DACH2: variants seen among roughly 807,000 people sequenced by gnomAD.
DACH2 encodes the protein dachshund homolog 2.
DACH2 carries 17 observed loss-of-function variants against 35.8 expected under a neutral mutation model. The ratio of observed to expected loss-of-function variants is 0.48; its 90% CI spans 0.33 to 0.71. The LOEUF (loss-of-function observed/expected upper bound fraction) is 0.71, where lower values mean the gene tolerates loss of function less well. DACH2 is among the 30% of genes least tolerant of loss of function. The pLI, the probability that DACH2 is intolerant of heterozygous loss-of-function variation, is 0.02. For synonymous variants in DACH2, 195 were observed against 177.3 expected, an observed-to-expected ratio of 1.10 and a Z score of -0.79; for missense variants, 469 against 472.7, an observed-to-expected ratio of 0.99 and a Z score of 0.07.
At chrX:86,298,291 T>A (rs2034508429) in intron 1 of DACH2, among the ~76,000 whole-genome samples, 1 of 111,917 alleles carries the variant, frequency 8.9e-6, no homozygotes, top group South Asian at 3.7e-4. Context: ...TGTTTCCTTC[T>A]TATGATTTTT....
intron 1 of DACH2, among the ~76,000 whole-genome samples, chrX:86,306,352 ACAAATAT>A (rs1272971617): frequency 8.9e-6 from 1 of 112,267 alleles, no homozygotes; most frequent in African/African-American, 3.2e-5. Context: ...GCACCAAAGG[ACAAATAT>A]CACATCATCT....
At chrX:86,397,293 G>T (rs1249140479) in intron 2 of DACH2, among the ~76,000 whole-genome samples, 1 of 111,587 alleles carries the variant, frequency 9.0e-6, no homozygotes, top group Non-Finnish European at 1.9e-5. Flanking sequence ...ATTTTGGGCT[G>T]AGACGATGGG....
intron 4 of DACH2, among the ~76,000 whole-genome samples, chrX:86,666,312 T>TGTGAGAGA (rs112267843): frequency 4.2e-4 from 42 of 99,952 alleles, no homozygotes; most frequent in East Asian, 2.3e-3. Context: ...TGTGTGTGTG[T>TGTGAGAGA]GAGAGAGAGA....
intron 1 of DACH2, among the ~76,000 whole-genome samples, chrX:86,301,782 G>C (rs1347168862): frequency 2.7e-5 from 3 of 111,953 alleles, no homozygotes; most frequent in Non-Finnish European, 5.6e-5. Context: ...TATCTTATCA[G>C]TATATTTGCA....
At chrX:86,748,687 T>G (rs767827906) in intron 7 of DACH2, among the ~76,000 whole-genome samples, 2 of 111,705 alleles carry the variant, frequency 1.8e-5, no homozygotes, top group South Asian at 7.5e-4. Flanking sequence ...TTTTTATTTT[T>G]GTAATGGAAA....
chrX:86,483,234 C>A (rs2037970135), intron 2 of DACH2, among the ~76,000 whole-genome samples: 2 of 109,912 alleles, frequency 1.8e-5, no homozygotes, highest in African/African-American at 6.6e-5. Context: ...AGCATCTTTA[C>A]CAGCCAATGG....
rs919106231 is a variant in DACH2 at position 86,719,479 on chromosome X, G to A, written c.1104+4759G>A. ...TCTTTTGCATGATTGCTCTGGCTGG[G>A]TGTATTAGTTCATTCTCAAGCTGCT... On this transcript the variant is annotated intron_variant, in intron 6 of 11. Coordinates refer to ENST00000373125, the MANE Select transcript of DACH2 (RefSeq NM_053281.3). 1.9e-4 allele frequency among the ~76,000 whole-genome samples: 21 copies of A among 111,411 alleles called. No individual in the cohort carries two copies. In the South Asian group the frequency reaches 3.8e-3, roughly 20 times the overall value.
chrX:86,405,029 G>A (rs1041068468), intron 2 of DACH2, among the ~76,000 whole-genome samples: 5 of 111,793 alleles, frequency 4.5e-5, no homozygotes, highest in Non-Finnish European at 9.4e-5. Context: ...GAGCAGTTGT[G>A]ATGCAGGGTG....
At chrX:86,515,336 A>G in intron 3 of DACH2, among the ~76,000 whole-genome samples, 1 of 110,451 alleles carries the variant, frequency 9.1e-6, no homozygotes, top group Admixed American at 9.8e-5. Flanking sequence ...GTTGGGTAAT[A>G]CTCCATAAGA....
At chrX:86,732,627 T>C (rs752757994) in intron 6 of DACH2, among the ~76,000 whole-genome samples, 1 of 111,848 alleles carries the variant, frequency 8.9e-6, no homozygotes, top group Non-Finnish European at 1.9e-5. Flanking sequence ...CCCAATGAAA[T>C]GGAGATGCTA....
chrX:86,310,114 A>T (rs1319315808), intron 1 of DACH2, among the ~76,000 whole-genome samples: 1 of 112,104 alleles, frequency 8.9e-6, no homozygotes, highest in Non-Finnish European at 1.9e-5. Flanking sequence ...ACAGCTCTTG[A>T]CCTGTTACTG....
intron 4 of DACH2, among the ~76,000 whole-genome samples, chrX:86,671,078 T>C (rs1217065570): frequency 1.8e-5 from 2 of 112,201 alleles, no homozygotes; most frequent in African/African-American, 6.5e-5. Flanking sequence ...AACATAACAA[T>C]TGAATCACAT....
intron 1 of DACH2, among the ~76,000 whole-genome samples, chrX:86,278,217 G>A (rs747967342): frequency 8.9e-6 from 1 of 112,072 alleles, no homozygotes; most frequent in South Asian, 3.8e-4. Context: ...AATGCCTGCA[G>A]CCATCATTAG....
intron 2 of DACH2, among the ~76,000 whole-genome samples, chrX:86,433,006 C>G (rs141941678): frequency 1.9e-3 from 212 of 111,848 alleles, no homozygotes; most frequent in African/African-American, 6.6e-3. Context: ...CTAGATTCAT[C>G]ACTTGCTAGC....
chrX:86,820,842 G>A (rs2042504504), intron 11 of DACH2, among the ~76,000 whole-genome samples: 1 of 109,610 alleles, frequency 9.1e-6, no homozygotes, highest in South Asian at 3.9e-4. Flanking sequence ...TTTCTCTTTG[G>A]CACTTGCTTA....
intron 1 of DACH2, among the ~76,000 whole-genome samples, chrX:86,257,289 G>A (rs906776186): frequency 2.7e-5 from 3 of 111,651 alleles, no homozygotes; most frequent in African/African-American, 9.8e-5. Context: ...AACTCTTTAT[G>A]TGCCTTATTG....
At chrX:86,589,768 A>C (rs979836309) in intron 3 of DACH2, among the ~76,000 whole-genome samples, 1 of 111,487 alleles carries the variant, frequency 9.0e-6, no homozygotes, top group Non-Finnish European at 1.9e-5. Flanking sequence ...CTGGAGTGTT[A>C]TCTATTGGAG....
chrX:86,242,884 G>A lies in DACH2; in HGVS notation c.488+93776G>A, dbSNP rs1054804820. On this transcript the variant is annotated intron_variant, in intron 1 of 11. Transcript: ENST00000373125. ...TGCTCCATTTTGGTAAGATGTGCTTGCTTCCTCTTCACCTTCCACCGTGAT... is the reference window on the plus strand; with the variant it reads ...TGCTCCATTTTGGTAAGATGTGCTTACTTCCTCTTCACCTTCCACCGTGAT... Among the ~76,000 whole-genome samples, 3 of 111,395 alleles carry A rather than the reference G, an allele frequency of 2.7e-5. No individual in the cohort carries two copies. In the Admixed American group the frequency reaches 2.9e-4, roughly 11 times the overall value.
intron 1 of DACH2, among the ~76,000 whole-genome samples, chrX:86,150,115 GA>G (rs201894729): frequency 0.084 from 9,324 of 111,125 alleles, 361 homozygotes; most frequent in East Asian, 0.24. Context: ...AGTTTAAAAA[GA>G]AAAAAAGTAT....
Sources: allele counts gnomAD v4.1 joint callset (sites outside exome capture counted in the v4.1 genomes callset), GRCh38; gene constraint gnomAD v4.1.1; transcripts MANE v1.5; gene names NCBI Gene and HGNC (gene_info 2026-07-23, HGNC 2026-07-21).